TMEM272: variants seen among roughly 807,000 people sequenced by gnomAD.
TMEM272 encodes the protein transmembrane protein 272.
In TMEM272, 8 loss-of-function variants were observed where a neutral mutation model predicts 3.7. That is an observed-to-expected ratio of 2.17 (90% CI 1.27 to 3.91). The LOEUF is 3.91. Among genes scored for constraint, TMEM272 ranks in the 30% most tolerant of loss-of-function variants. TMEM272 has a pLI of 0.00. For synonymous variants in TMEM272, 63 were observed against 39.8 expected (o/e 1.58, Z -2.20); for missense variants, 166 against 91.5 (o/e 1.81, Z -3.32).
the TMEM272 span, among the ~76,000 whole-genome samples, chr13:51,929,501 T>G: frequency 2.0e-5 from 3 of 152,206 alleles, no homozygotes; most frequent in Non-Finnish European, 4.4e-5. Context: ...TAGGAGGTTG[T>G]TTTGGTCAGA....
At chr13:51,922,933 G>A in the TMEM272 span, among the ~76,000 whole-genome samples, 269 of 152,328 alleles carry the variant, frequency 1.8e-3, 2 homozygotes, top group African/African-American at 6.1e-3. Flanking sequence ...ACATGGTCCA[G>A]GATCCTCTTG....
chr13:51,905,846 G>A, the TMEM272 span, among the ~76,000 whole-genome samples: 2 of 152,254 alleles, frequency 1.3e-5, no homozygotes, highest in African/African-American at 4.8e-5. Context: ...GAGCAACTCA[G>A]CTGTGATGCC....
At chr13:51,851,489 C>T in the TMEM272 span, among the ~76,000 whole-genome samples, 1 of 147,902 alleles carries the variant, frequency 6.8e-6, no homozygotes, top group African/African-American at 2.5e-5. Flanking sequence ...CTGGGAATCT[C>T]TCCAAATCAG....
the TMEM272 span, among the ~76,000 whole-genome samples, chr13:51,899,599 T>C: frequency 1.3e-5 from 2 of 152,218 alleles, no homozygotes; most frequent in Admixed American, 6.5e-5. Flanking sequence ...GATTCAACAC[T>C]ATCCTCTCAA....
At chr13:51,824,832 A>C (rs892293467) in intron 3 of TMEM272, among the ~76,000 whole-genome samples, 5 of 152,184 alleles carry the variant, frequency 3.3e-5, no homozygotes, top group African/African-American at 4.8e-5. Flanking sequence ...GGGCGCCTGT[A>C]ATCCCAGCTA....
At chr13:51,899,254 AC>A in the TMEM272 span, among the ~76,000 whole-genome samples, 1 of 152,230 alleles carries the variant, frequency 6.6e-6, no homozygotes, top group Non-Finnish European at 1.5e-5. Context: ...GAAACAATTT[AC>A]AATAGCATCT....
chr13:51,867,758 T>C, the TMEM272 span, among the ~76,000 whole-genome samples: 6 of 152,020 alleles, frequency 3.9e-5, no homozygotes, highest in Admixed American at 3.9e-4. Flanking sequence ...TCTCCATGGG[T>C]CCCAGGGCAA....
At chr13:51,873,662 T>C in the TMEM272 span, among the ~76,000 whole-genome samples, 1 of 152,186 alleles carries the variant, frequency 6.6e-6, no homozygotes, top group African/African-American at 2.4e-5. Flanking sequence ...ACTACAGTAA[T>C]TGGGATGTTC....
Position 51,827,481 on chromosome 13 carries a change from T to C in TMEM272, c.59-856A>G, listed in dbSNP as rs61957362. Among the ~76,000 whole-genome samples the C allele has an allele frequency of 6.9e-3, 1,058 of 152,388 alleles. 4 individuals carry two copies. Among genetic ancestry groups the C allele is most frequent in the South Asian group, 7.9e-3 (38 of 4,826 alleles). ...CTCATCTGTTCTCCAGATCGGCAGA[T>C]ATATCTGCAGATATAGGTTTTGCTT... On this transcript the variant is annotated intron_variant, in intron 2 of 4. Transcript: ENST00000629372.
chr13:51,865,366 C>G, the TMEM272 span: 2 of 1,567,384 alleles, frequency 1.3e-6, no homozygotes, highest in Non-Finnish European at 1.7e-6. Flanking sequence ...GGCCAAGGGT[C>G]CTGTCATCCC....
chr13:51,898,218 AAAATAAAT>A, the TMEM272 span, among the ~76,000 whole-genome samples: 15 of 147,576 alleles, frequency 1.0e-4, no homozygotes, highest in African/African-American at 3.5e-4. Flanking sequence ...CTCCATCTCA[AAAATAAAT>A]AAATAAATAA....
intron 3 of TMEM272, among the ~76,000 whole-genome samples, chr13:51,824,511 A>G (rs1956106736): frequency 6.6e-6 from 1 of 152,210 alleles, no homozygotes; most frequent in Non-Finnish European, 1.5e-5. Context: ...TATAACCAAT[A>G]TTGCTCTAGA....
chr13:51,838,316 C>T (rs1052296616), intron 2 of TMEM272, among the ~76,000 whole-genome samples, 157 bp downstream of exon 2: 6 of 152,148 alleles, frequency 3.9e-5, no homozygotes, highest in Non-Finnish European at 8.8e-5. Flanking sequence ...AGCAGCCAAC[C>T]GAGGGCCGGA....
At chr13:51,864,103 C>T in the TMEM272 span, among the ~76,000 whole-genome samples, 5 of 147,034 alleles carry the variant, frequency 3.4e-5, no homozygotes, top group Non-Finnish European at 7.5e-5. Context: ...TCCCTTCCTT[C>T]CTTCCCTCCC....
chr13:51,843,666 G>T (rs1956280304), intron 1 of TMEM272, among the ~76,000 whole-genome samples: 1 of 152,156 alleles, frequency 6.6e-6, no homozygotes, highest in South Asian at 2.1e-4. Context: ...GGGGTAACAG[G>T]CCGGGCAGTG....
chr13:51,879,831 G>T, the TMEM272 span, among the ~76,000 whole-genome samples: 1 of 152,202 alleles, frequency 6.6e-6, no homozygotes, highest in Non-Finnish European at 1.5e-5. Context: ...AGAGAGGTTT[G>T]CACAGGGTGG....
At chr13:51,899,338 A>G in the TMEM272 span, among the ~76,000 whole-genome samples, 1 of 105,392 alleles carries the variant, frequency 9.5e-6, no homozygotes, top group South Asian at 2.9e-4. Flanking sequence ...ATAAATATAT[A>G]CAGTTATTAT....
the TMEM272 span, among the ~76,000 whole-genome samples, chr13:51,888,852 G>A: frequency 6.6e-6 from 1 of 151,738 alleles, no homozygotes; most frequent in Non-Finnish European, 1.5e-5. Flanking sequence ...TCACTATGTT[G>A]GCCAGGCTAG....
chr13:51,863,946 A>T, the TMEM272 span, among the ~76,000 whole-genome samples: 1 of 152,080 alleles, frequency 6.6e-6, no homozygotes, highest in African/African-American at 2.4e-5. Flanking sequence ...CTGCACTCTA[A>T]CCACCTTCCT....
Sources: gnomAD v4.1 joint callset for allele counts (sites outside exome capture counted in the v4.1 genomes callset) on GRCh38, gnomAD v4.1.1 for gene constraint, MANE v1.5 for transcripts, NCBI Gene and HGNC (gene_info 2026-07-23, HGNC 2026-07-21) for gene names.